The following ERBB4 variants were observed in gnomAD, a reference collection of about 807,000 sequenced individuals.
The protein encoded by ERBB4 is receptor tyrosine-protein kinase erbB-4.
ERBB4 carries 42 observed loss-of-function variants against 158.0 expected under a neutral mutation model. The ratio of observed to expected loss-of-function variants is 0.27; its 90% CI spans 0.21 to 0.34. The LOEUF is 0.34. Among genes scored for constraint, ERBB4 ranks in the 10% least tolerant of loss-of-function variants. The probability of loss-of-function intolerance (pLI) is 1.00; values close to 1 mark genes in which losing one functional copy is unlikely to be tolerated. For synonymous variants in ERBB4, 583 were observed against 558.7 expected (o/e 1.04, Z -0.61); for missense variants, 1,333 against 1,624.1 (o/e 0.82, Z 3.08).
At chr2:211,650,548 AC>A (rs1216767095) in intron 16 of ERBB4, among the ~76,000 whole-genome samples, 1 of 152,056 alleles carries the variant, frequency 6.6e-6, no homozygotes, top group Non-Finnish European at 1.5e-5. Flanking sequence ...CCCATCTGTA[AC>A]CCATTGAAGC....
chr2:212,235,776 T>C (rs2083846789), intron 1 of ERBB4, among the ~76,000 whole-genome samples: 1 of 152,172 alleles, frequency 6.6e-6, no homozygotes, highest in African/African-American at 2.4e-5. Flanking sequence ...CTTTGTCTAT[T>C]ATTGTTTTAT....
chr2:211,737,695 T>C (rs1575074073), intron 5 of ERBB4, among the ~76,000 whole-genome samples: 1 of 152,226 alleles, frequency 6.6e-6, no homozygotes, highest in South Asian at 2.1e-4. Flanking sequence ...AGATTTTATG[T>C]ATTATGGGAA....
intron 1 of ERBB4, among the ~76,000 whole-genome samples, chr2:212,394,107 C>T (rs770649278): frequency 2.0e-5 from 3 of 152,074 alleles, no homozygotes; most frequent in African/African-American, 4.8e-5. Context: ...TTCTATTGTG[C>T]TTGAGTCCTT....
At chr2:211,693,550 T>A (rs2072899894) in intron 12 of ERBB4, among the ~76,000 whole-genome samples, 1 of 152,158 alleles carries the variant, frequency 6.6e-6, no homozygotes, top group Admixed American at 6.6e-5. Flanking sequence ...GGATCACATG[T>A]TCTCAAATGT....
At chr2:211,856,076 A>C (rs1185168548) in intron 3 of ERBB4, among the ~76,000 whole-genome samples, 2 of 152,244 alleles carry the variant, frequency 1.3e-5, no homozygotes, top group Non-Finnish European at 2.9e-5. Flanking sequence ...CAGTGTACCC[A>C]TGTAACAAAA....
At chr2:212,206,997 C>CAA (rs530343240) in intron 1 of ERBB4, among the ~76,000 whole-genome samples, 22,295 of 117,342 alleles carry the variant, frequency 0.19, 1,973 homozygotes, top group Non-Finnish European at 0.25. Context: ...TGAGAAGTTT[C>CAA]AAAAAAAAAA....
chr2:212,433,016 G>C (rs1427026403), intron 1 of ERBB4, among the ~76,000 whole-genome samples: 1 of 151,968 alleles, frequency 6.6e-6, no homozygotes, highest in Non-Finnish European at 1.5e-5. Flanking sequence ...ACATCGAAGG[G>C]TTATATGTAC....
At chr2:211,809,749 T>G (rs2076705543) in intron 3 of ERBB4, among the ~76,000 whole-genome samples, 1 of 152,208 alleles carries the variant, frequency 6.6e-6, no homozygotes, top group Admixed American at 6.5e-5. Flanking sequence ...ATTTCTTTGC[T>G]CTTGCTTCAC....
chr2:211,573,875 A>AT (rs980112771), intron 19 of ERBB4, among the ~76,000 whole-genome samples: 2 of 151,982 alleles, frequency 1.3e-5, no homozygotes, highest in African/African-American at 4.8e-5. Flanking sequence ...TGTTGCCTTG[A>AT]TTTTTTCACA....
intron 12 of ERBB4, among the ~76,000 whole-genome samples, chr2:211,688,300 T>C (rs2072652876): frequency 6.6e-6 from 1 of 152,196 alleles, no homozygotes; most frequent in Non-Finnish European, 1.5e-5. Flanking sequence ...GCTGCTTTCC[T>C]CTCTGGTATT....
chr2:212,520,853 A>G (rs1332183478), intron 1 of ERBB4, among the ~76,000 whole-genome samples: 1 of 151,760 alleles, frequency 6.6e-6, no homozygotes, highest in Non-Finnish European at 1.5e-5. Context: ...TGGCACATCA[A>G]TGTTAATTAG....
intron 1 of ERBB4, among the ~76,000 whole-genome samples, chr2:212,349,066 T>C (rs1336101600): frequency 6.6e-6 from 1 of 152,114 alleles, no homozygotes; most frequent in East Asian, 1.9e-4. Flanking sequence ...GATATAATGA[T>C]TTGTGTCTCA....
chr2:211,514,122 T>TC lies in ERBB4; in HGVS notation c.2487+47780_2487+47781insG, dbSNP rs559936271. Among the ~76,000 whole-genome samples the TC allele has an allele frequency of 3.7e-3, 565 of 152,204 alleles. 3 individuals are homozygous for TC. Among genetic ancestry groups the TC allele is most frequent in the African/African-American group, 0.013 (523 of 41,546 alleles). On this transcript the variant is annotated intron_variant, in intron 20 of 27. Coordinates refer to ENST00000342788, the MANE Select transcript of ERBB4 (RefSeq NM_005235.3). The stretch of plus-strand genomic sequence containing the variant: ...GTACTCATTAGCAAATCTCTCTTCA[T>TC]ACCCCCTTACCCTCTACTCTTCCCT...
At chr2:211,824,980 C>T (rs1433821424) in intron 3 of ERBB4, among the ~76,000 whole-genome samples, 1 of 151,736 alleles carries the variant, frequency 6.6e-6, no homozygotes, top group Non-Finnish European at 1.5e-5. Context: ...ATCTTACCTG[C>T]CATCTAGTAA....
chr2:211,804,254 T>C (rs368440759), intron 3 of ERBB4, among the ~76,000 whole-genome samples: 4 of 152,276 alleles, frequency 2.6e-5, no homozygotes, highest in African/African-American at 9.6e-5. Context: ...GGTTAAATTA[T>C]AATTTAGAAA....
chr2:212,323,523 A>C (rs551631207), intron 1 of ERBB4, among the ~76,000 whole-genome samples: 1 of 150,478 alleles, frequency 6.6e-6, no homozygotes, highest in African/African-American at 2.4e-5. Flanking sequence ...CTTTCTAAGA[A>C]ATCCAGCAGT....
chr2:211,530,733 GA>G (rs1241316926), intron 20 of ERBB4, among the ~76,000 whole-genome samples: 1 of 151,742 alleles, frequency 6.6e-6, no homozygotes, highest in African/African-American at 2.4e-5. Flanking sequence ...ACAAAAAATA[GA>G]AAAAAATTGG....
At chr2:212,281,463 G>C (rs1376510128) in intron 1 of ERBB4, among the ~76,000 whole-genome samples, 1 of 151,752 alleles carries the variant, frequency 6.6e-6, no homozygotes, top group Non-Finnish European at 1.5e-5. Flanking sequence ...CCACAGAACT[G>C]TTGATTCCTC....
At chr2:211,616,340 T>C (rs1019178372) in intron 19 of ERBB4, among the ~76,000 whole-genome samples, 3 of 152,062 alleles carry the variant, frequency 2.0e-5, no homozygotes, top group Non-Finnish European at 2.9e-5. Context: ...AACTCCCCCA[T>C]TGATGAGTCC....
Sources: gnomAD v4.1 joint callset for allele counts (sites outside exome capture counted in the v4.1 genomes callset) on GRCh38, gnomAD v4.1.1 for gene constraint, MANE v1.5 for transcripts, NCBI Gene and HGNC (gene_info 2026-07-23, HGNC 2026-07-21) for gene names.